Variants in DST observed in about 807,000 individuals in gnomAD.
The protein encoded by DST is bullous pemphigoid antigen.
Under a neutral mutation model 875.2 loss-of-function variants are expected in DST, and 253 were observed. The observed-to-expected ratio is 0.29, with a 90% CI of 0.26 to 0.32. DST has a LOEUF of 0.32. Among genes scored for constraint, DST ranks in the 10% least tolerant of loss-of-function variants. DST has a pLI of 1.00. For missense variants in DST, 8,287 were observed against 9,111.6 expected (o/e 0.91, Z 3.68); for synonymous variants, 3,124 against 3,197.1 (o/e 0.98, Z 0.77).
intron 49 of DST, among the ~76,000 whole-genome samples, chr6:56,591,792 G>A (rs2098276898): frequency 2.0e-5 from 3 of 151,898 alleles, no homozygotes; most frequent in Non-Finnish European, 4.4e-5. Context: ...AGCCAACATG[G>A]CGAAACCCCG....
intron 52 of DST, 50 bp downstream of exon 52, chr6:56,572,697 C>A: frequency 7.2e-7 from 1 of 1,394,318 alleles, no homozygotes; most frequent in South Asian, 1.6e-5. Context: ...TGAGTTTGCC[C>A]TAACTATTAA....
intron 37 of DST, among the ~76,000 whole-genome samples, chr6:56,613,598 ACGC>A (rs1265385514): frequency 7.5e-6 from 1 of 133,280 alleles, no homozygotes; most frequent in Non-Finnish European, 1.7e-5. Flanking sequence ...CTTGAGAAAA[ACGC>A]TTCTTATCTT....
chr6:56,904,203 A>G lies in DST; in HGVS notation c.217-3582T>C, dbSNP rs565443555. ...AGTGTATTATTCATACTATCTAAAA[A>G]AGAAATCAGGTGGAAATAGGAAAAT... On this transcript the variant is annotated intron_variant, in intron 2 of 103. Transcript: ENST00000680361. Among the ~76,000 whole-genome samples, 66 of 152,356 alleles carry G rather than the reference A, an allele frequency of 4.3e-4. 1 individual carries two copies. The South Asian group carries it at 7.7e-3, about 18-fold the overall frequency.
intron 4 of DST, among the ~76,000 whole-genome samples, chr6:56,814,750 G>A (rs1350003093): frequency 6.6e-6 from 1 of 152,038 alleles, no homozygotes; most frequent in Non-Finnish European, 1.5e-5. Flanking sequence ...TAACTCTAGA[G>A]GTATACTTCG....
intron 4 of DST, among the ~76,000 whole-genome samples, chr6:56,758,277 T>C (rs969637433): frequency 5.3e-5 from 8 of 152,194 alleles, no homozygotes; most frequent in African/African-American, 1.9e-4. Flanking sequence ...ACTGTGCTAC[T>C]TCTGAGGAGG....
intron 4 of DST, among the ~76,000 whole-genome samples, chr6:56,768,140 G>T (rs1284861272): frequency 1.3e-5 from 2 of 152,110 alleles, no homozygotes; most frequent in East Asian, 3.8e-4. Flanking sequence ...GTTTAAAAAG[G>T]TAACCATTGT....
At chr6:56,765,026 C>T (rs1305880383) in intron 4 of DST, among the ~76,000 whole-genome samples, 1 of 148,818 alleles carries the variant, frequency 6.7e-6, no homozygotes, top group African/African-American at 2.6e-5. Flanking sequence ...AAGCAATAGG[C>T]ACTAACTTCA....
chr6:56,890,207 C>T (rs550045754), intron 3 of DST, among the ~76,000 whole-genome samples: 6 of 152,082 alleles, frequency 3.9e-5, no homozygotes, highest in Non-Finnish European at 7.3e-5. Context: ...AAGTGAGCAC[C>T]GACTCCAGAG....
intron 3 of DST, among the ~76,000 whole-genome samples, chr6:56,884,721 G>T (rs1197582605): frequency 3.3e-5 from 5 of 151,900 alleles, no homozygotes; most frequent in Admixed American, 2.6e-4. Context: ...GACAAGATGT[G>T]CCAAGCTCAT....
In DST at chr6:56,606,262, T is replaced by C. The variant is rs1343340618; in HGVS notation, c.8366A>G (p.Gln2789Arg). The part of the protein sequence containing the change: ...HSDTDHLDSM[Q>R]SEESYGDYIY... ...ATAATCCCCATAACTTTCTTCACTT[T>C]GCATAGAATCTAAATGATCAGTATC... Residue 2789 changes from glutamine (Q) to arginine (R), a missense_variant, in exon 40 of 104, where the codon CAA becomes CGA. By Grantham distance (43) the Gln-to-Arg change is conservative. Transcript: ENST00000680361. 2 of 1,574,634 alleles carry C rather than the reference T, an allele frequency of 1.3e-6. No individual in the cohort carries two copies. Among genetic ancestry groups the C allele is most frequent in the Non-Finnish European group, 1.7e-6 (2 of 1,158,556 alleles).
chr6:56,605,613 T>C lies in DST; in HGVS notation c.9015A>G (p.Ile3005Met). 6.2e-7 allele frequency: 1 copy of C among 1,613,052 alleles called. No individual in the cohort carries two copies. Among genetic ancestry groups the C allele is most frequent in the Non-Finnish European group, 8.5e-7 (1 of 1,179,316 alleles). Reference protein sequence around the residue: ...DHIICTEPDLIGKPAEESHLS... With the variant: ...DHIICTEPDLMGKPAEESHLS... ...AATGGCTTTCCTCAGCAGGTTTTCC[T>C]ATTAAATCAGGCTCAGTACAAATGA... Residue 3005 changes from isoleucine to methionine, a missense_variant, in exon 40 of 104, where the codon ATA becomes ATG. Transcript: ENST00000680361.
chr6:56,901,113 A>T (rs1475020943), intron 2 of DST, among the ~76,000 whole-genome samples: 1 of 152,138 alleles, frequency 6.6e-6, no homozygotes, highest in African/African-American at 2.4e-5. Flanking sequence ...GAGGGTTCCA[A>T]ACTCAAATGG....
chr6:56,903,330 A>T (rs1395521879), intron 2 of DST, among the ~76,000 whole-genome samples: 1 of 152,254 alleles, frequency 6.6e-6, no homozygotes, highest in Non-Finnish European at 1.5e-5. Context: ...TAACCAAATG[A>T]CAGAGATTAA....
At chr6:56,721,096 G>A (rs1339663309) in intron 5 of DST, among the ~76,000 whole-genome samples, 21 of 150,610 alleles carry the variant, frequency 1.4e-4, no homozygotes, top group Middle Eastern at 3.6e-3. Flanking sequence ...GGCGGCTGCC[G>A]GGCGGGGGCG....
intron 3 of DST, among the ~76,000 whole-genome samples, chr6:56,859,837 A>G (rs565573652): frequency 3.3e-5 from 5 of 152,304 alleles, no homozygotes; most frequent in Non-Finnish European, 2.9e-5. Flanking sequence ...GTATAAATAC[A>G]TACATAAAAA....
chr6:56,648,478 T>C (rs1191277936), intron 13 of DST, 92 bp downstream of exon 13: 12 of 1,301,334 alleles, frequency 9.2e-6, no homozygotes, highest in Non-Finnish European at 1.1e-5. Context: ...AGGGCAACTT[T>C]TGTTGAACTT....
At chr6:56,683,322 C>T (rs2099165578) in intron 9 of DST, among the ~76,000 whole-genome samples, 1 of 152,160 alleles carries the variant, frequency 6.6e-6, no homozygotes, top group Admixed American at 6.5e-5. Flanking sequence ...GGAACTAAGC[C>T]TCCGTGTCTG....
intron 2 of DST, among the ~76,000 whole-genome samples, chr6:56,940,358 C>T (rs1815837570): frequency 1.3e-5 from 2 of 151,950 alleles, no homozygotes; most frequent in Admixed American, 1.3e-4. Context: ...AAATAAATTG[C>T]ACCCATCTAA....
At chr6:56,494,688 G>C (rs571492109) in intron 82 of DST, among the ~76,000 whole-genome samples, 5 of 152,092 alleles carry the variant, frequency 3.3e-5, no homozygotes, top group Admixed American at 3.3e-4. Flanking sequence ...TGATTATTCA[G>C]AATTATAAGA....
Sources: gnomAD v4.1 joint callset for allele counts (sites outside exome capture counted in the v4.1 genomes callset) on GRCh38, gnomAD v4.1.1 for gene constraint, MANE v1.5 for transcripts, NCBI Gene and HGNC (gene_info 2026-07-23, HGNC 2026-07-21) for gene names.